CERS3: variants seen among roughly 807,000 people sequenced by gnomAD.
CERS3 encodes ceramide synthase 3.
A neutral mutation model predicts 50.3 loss-of-function variants in CERS3; 33 were observed. The ratio of observed to expected loss-of-function variants is 0.66; its 90% CI spans 0.50 to 0.88. CERS3 has a LOEUF of 0.88. Ranked by LOEUF, CERS3 falls within the 40% of genes least tolerant of loss-of-function variation. The pLI, the probability that CERS3 is intolerant of heterozygous loss-of-function variation, is 0.00. For synonymous variants in CERS3, 176 were observed against 155.2 expected, an observed-to-expected ratio of 1.13 and a Z score of -0.99; for missense variants, 470 against 460.3, an observed-to-expected ratio of 1.02 and a Z score of -0.19.
intron 11 of CERS3, among the ~76,000 whole-genome samples, chr15:100,427,076 C>A (rs1290571173): frequency 6.6e-6 from 1 of 152,182 alleles, no homozygotes; most frequent in African/African-American, 2.4e-5. Context: ...CACCCGTGAC[C>A]TCAGGGTAAG....
At chr15:100,447,896 C>T (rs944491084) in intron 11 of CERS3, among the ~76,000 whole-genome samples, 2 of 152,164 alleles carry the variant, frequency 1.3e-5, no homozygotes, top group African/African-American at 4.8e-5. Flanking sequence ...AATTAAAGCA[C>T]AGAACCTAAT....
intron 2 of CERS3, among the ~76,000 whole-genome samples, chr15:100,518,598 C>T (rs1039763823): frequency 6.6e-6 from 1 of 152,198 alleles, no homozygotes; most frequent in African/African-American, 2.4e-5. Flanking sequence ...AAATTTCTGT[C>T]AATATGCATT....
intron 9 of CERS3, among the ~76,000 whole-genome samples, chr15:100,469,685 C>T (rs2142237541): frequency 1.3e-5 from 2 of 152,198 alleles, no homozygotes; most frequent in Middle Eastern, 6.8e-3. Flanking sequence ...TATATGATTC[C>T]CTTTATCTTG....
intron 11 of CERS3, among the ~76,000 whole-genome samples, chr15:100,413,911 A>G (rs1476220547): frequency 1.3e-5 from 2 of 152,166 alleles, no homozygotes; most frequent in East Asian, 3.8e-4. Flanking sequence ...TCATAAATAG[A>G]CCAACAGCAA....
At chr15:100,514,810 T>TA (rs1379973160) in intron 2 of CERS3, among the ~76,000 whole-genome samples, 1 of 152,080 alleles carries the variant, frequency 6.6e-6, no homozygotes, top group African/African-American at 2.4e-5. Context: ...GAAAGAAACA[T>TA]AAAAAATAAT....
chr15:100,418,101 G>A (rs1596621201), intron 11 of CERS3, among the ~76,000 whole-genome samples: 2 of 152,138 alleles, frequency 1.3e-5, no homozygotes, highest in South Asian at 4.1e-4. Flanking sequence ...GACGAGCTGA[G>A]AGAAGAAGGC....
At chr15:100,467,135 G>C (rs149227307) in intron 10 of CERS3, among the ~76,000 whole-genome samples, 1 of 152,026 alleles carries the variant, frequency 6.6e-6, no homozygotes, top group Non-Finnish European at 1.5e-5. Context: ...GGATATAGGC[G>C]TGAGCCACTG....
At chr15:100,480,306 A>C (rs2035258821) in intron 5 of CERS3, among the ~76,000 whole-genome samples, 1 of 152,244 alleles carries the variant, frequency 6.6e-6, no homozygotes, top group Non-Finnish European at 1.5e-5. Context: ...AAAATCTGTG[A>C]TAACAGGTCT....
intron 11 of CERS3, among the ~76,000 whole-genome samples, chr15:100,413,712 G>GA (rs1465825171): frequency 6.9e-6 from 1 of 145,680 alleles, no homozygotes; most frequent in Non-Finnish European, 1.5e-5. Context: ...CATTTGGTTA[G>GA]AAAAATAGGT....
chr15:100,472,085 A>C (rs1476464315), intron 9 of CERS3, among the ~76,000 whole-genome samples: 3 of 152,272 alleles, frequency 2.0e-5, no homozygotes, highest in African/African-American at 7.2e-5. Context: ...ATTCTATTAA[A>C]TTTAATTTCT....
chr15:100,471,549 T>C lies in CERS3; in HGVS notation c.738+1375A>G, dbSNP rs555431513. The stretch of plus-strand genomic sequence containing the variant: ...TGAGGGTTTAGAAGCAACAGAGTCG[T>C]ATAAAATTCTTAAGTCGGGGCCAGT... On this transcript the variant is annotated intron_variant, in intron 9 of 11. Transcript: ENST00000679737. Among the ~76,000 whole-genome samples the C allele has an allele frequency of 3.3e-5, 5 of 152,270 alleles. No homozygotes were observed. In the East Asian group the frequency reaches 9.7e-4, roughly 29 times the overall value.
At chr15:100,506,805 C>T (rs1351202391) in intron 2 of CERS3, among the ~76,000 whole-genome samples, 7 of 152,118 alleles carry the variant, frequency 4.6e-5, no homozygotes, top group Admixed American at 3.9e-4. Context: ...GAAATGGCTT[C>T]TGATGGGTAC....
chr15:100,433,856 T>TC (rs1488738048), intron 11 of CERS3, among the ~76,000 whole-genome samples: 2 of 152,218 alleles, frequency 1.3e-5, no homozygotes, highest in African/African-American at 4.8e-5. Flanking sequence ...GACTTAGATC[T>TC]CCCCCATTAC....
intron 11 of CERS3, among the ~76,000 whole-genome samples, chr15:100,419,449 A>C (rs1408231412): frequency 1.2e-4 from 16 of 136,838 alleles, no homozygotes; most frequent in South Asian, 5.3e-4. Context: ...TGAGTGACCT[A>C]CAAAGAGACT....
intron 11 of CERS3, among the ~76,000 whole-genome samples, chr15:100,455,428 C>G (rs1438784455): frequency 6.6e-6 from 1 of 152,116 alleles, no homozygotes; most frequent in Non-Finnish European, 1.5e-5. Context: ...CAACAATACA[C>G]TGTATATTTC....
chr15:100,537,221 G>C (rs1284086113), intron 1 of CERS3, among the ~76,000 whole-genome samples: 1 of 152,200 alleles, frequency 6.6e-6, no homozygotes, highest in Non-Finnish European at 1.5e-5. Context: ...ACACAAGCTA[G>C]GCTAAGGTTT....
intron 11 of CERS3, among the ~76,000 whole-genome samples, chr15:100,415,947 C>T (rs1272399338): frequency 1.9e-5 from 2 of 103,978 alleles, no homozygotes; most frequent in Non-Finnish European, 4.4e-5. Flanking sequence ...TATCCTGCAA[C>T]TTGAAGTAAA....
At chr15:100,412,991 A>G (rs2031604237) in intron 11 of CERS3, among the ~76,000 whole-genome samples, 3 of 152,188 alleles carry the variant, frequency 2.0e-5, no homozygotes, top group Non-Finnish European at 4.4e-5. Flanking sequence ...AGATTATACC[A>G]TGTGACTTTT....
chr15:100,424,967 G>A (rs1596637257), intron 11 of CERS3, among the ~76,000 whole-genome samples: 1 of 152,178 alleles, frequency 6.6e-6, no homozygotes, highest in East Asian at 1.9e-4. Context: ...CCCCAGATAT[G>A]TCTCAGGCCA....
Sources: gnomAD v4.1 joint callset for allele counts (sites outside exome capture counted in the v4.1 genomes callset) on GRCh38, gnomAD v4.1.1 for gene constraint, MANE v1.5 for transcripts, NCBI Gene and HGNC (gene_info 2026-07-23, HGNC 2026-07-21) for gene names.